TMEM132D: variants seen among roughly 807,000 people sequenced by gnomAD.
TMEM132D encodes transmembrane protein 132D, also known as mature OL transmembrane protein.
In TMEM132D, 21 loss-of-function variants were observed where a neutral mutation model predicts 62.3. The observed-to-expected ratio is 0.34, with a 90% CI of 0.24 to 0.49. TMEM132D has a LOEUF of 0.49. Ranked by LOEUF, TMEM132D falls within the 20% of genes least tolerant of loss-of-function variation. The pLI is 0.99. For synonymous variants in TMEM132D, 621 were observed against 575.6 expected (o/e 1.08, Z -1.13); for missense variants, 1,346 against 1,402.8 (o/e 0.96, Z 0.65).
intron 1 of TMEM132D, among the ~76,000 whole-genome samples, chr12:129,841,975 G>A (rs560507277): frequency 6.7e-6 from 1 of 148,404 alleles, no homozygotes; most frequent in Non-Finnish European, 1.5e-5. Flanking sequence ...CTGTCCCCCA[G>A]GCTGGAGTAC....
At chr12:129,495,220 A>G (rs1321196069) in intron 3 of TMEM132D, among the ~76,000 whole-genome samples, 1 of 82,500 alleles carries the variant, frequency 1.2e-5, no homozygotes, top group African/African-American at 7.0e-5. Flanking sequence ...GATCAAAGCC[A>G]ATGTTAATAA....
intron 5 of TMEM132D, among the ~76,000 whole-genome samples, chr12:129,137,744 A>G (rs1048903024): frequency 2.0e-5 from 3 of 152,158 alleles, no homozygotes; most frequent in African/African-American, 7.2e-5. Context: ...CATGATGGCT[A>G]TCTTGCAACC....
At chr12:129,671,886 C>T (rs1353035089) in intron 2 of TMEM132D, among the ~76,000 whole-genome samples, 1 of 152,190 alleles carries the variant, frequency 6.6e-6, no homozygotes, top group Non-Finnish European at 1.5e-5. Context: ...TTACAAATTG[C>T]AAGCCTGAGG....
intron 3 of TMEM132D, among the ~76,000 whole-genome samples, chr12:129,416,073 A>G (rs373658618): frequency 1.5e-4 from 23 of 152,034 alleles, no homozygotes; most frequent in African/African-American, 5.6e-4. Context: ...TTTAAAGTAC[A>G]TTTTTCTAAT....
At chr12:129,216,981 G>C (rs1013143157) in intron 4 of TMEM132D, among the ~76,000 whole-genome samples, 1 of 152,048 alleles carries the variant, frequency 6.6e-6, no homozygotes, top group Non-Finnish European at 1.5e-5. Context: ...TTTTTGTAAC[G>C]GGAAAAAACA....
chr12:129,557,372 G>T (rs1877092083), intron 2 of TMEM132D, among the ~76,000 whole-genome samples: 2 of 152,260 alleles, frequency 1.3e-5, no homozygotes, highest in South Asian at 2.1e-4. Context: ...TGAGAGAAAT[G>T]AGGAGACGTG....
At chr12:129,726,134 G>T (rs1279419570) in intron 1 of TMEM132D, among the ~76,000 whole-genome samples, 2 of 152,160 alleles carry the variant, frequency 1.3e-5, no homozygotes, top group African/African-American at 4.8e-5. Flanking sequence ...CTCCTGTGTG[G>T]CTCCATGGGA....
intron 5 of TMEM132D, among the ~76,000 whole-genome samples, chr12:129,111,851 A>G (rs960363909): frequency 6.6e-6 from 1 of 152,168 alleles, no homozygotes; most frequent in Non-Finnish European, 1.5e-5. Context: ...ACCTCATGCC[A>G]TATTTTCAGT....
At chr12:129,513,579 G>A (rs1285107339) in intron 3 of TMEM132D, among the ~76,000 whole-genome samples, 1 of 151,578 alleles carries the variant, frequency 6.6e-6, no homozygotes, top group Admixed American at 6.6e-5. Context: ...TCGCCTCCCG[G>A]GTTCACGCCA....
chr12:129,625,292 C>G (rs1879183988), intron 2 of TMEM132D, among the ~76,000 whole-genome samples: 1 of 152,190 alleles, frequency 6.6e-6, no homozygotes, highest in African/African-American at 2.4e-5. Context: ...GGCACAGGTA[C>G]CCAACATTTT....
intron 4 of TMEM132D, among the ~76,000 whole-genome samples, chr12:129,314,081 T>C (rs1322172894): frequency 1.3e-5 from 2 of 152,118 alleles, no homozygotes; most frequent in African/African-American, 4.8e-5. Context: ...TTTGTTTGAG[T>C]TTGTTGTAGA....
At chr12:129,187,749 T>C (rs560523122) in intron 5 of TMEM132D, among the ~76,000 whole-genome samples, 7 of 152,180 alleles carry the variant, frequency 4.6e-5, no homozygotes, top group Non-Finnish European at 7.3e-5. Flanking sequence ...TCCTTCCAAA[T>C]AGGACAAAAC....
At chr12:129,120,760 G>A (rs952415041) in intron 5 of TMEM132D, among the ~76,000 whole-genome samples, 10 of 152,098 alleles carry the variant, frequency 6.6e-5, no homozygotes, top group Non-Finnish European at 1.2e-4. Flanking sequence ...GGAAGATTGA[G>A]GTGAAAGGTA....
chr12:129,507,773 G>A (rs1406123600), intron 3 of TMEM132D, among the ~76,000 whole-genome samples: 1 of 152,126 alleles, frequency 6.6e-6, no homozygotes. Context: ...CTGCTCGGTT[G>A]ATGGGTGCAC....
At chr12:129,565,571 T>C (rs1453882098) in intron 2 of TMEM132D, among the ~76,000 whole-genome samples, 1 of 152,206 alleles carries the variant, frequency 6.6e-6, no homozygotes, top group East Asian at 1.9e-4. Flanking sequence ...AGAAAGCCCT[T>C]GGCTGAGAGG....
intron 5 of TMEM132D, among the ~76,000 whole-genome samples, chr12:129,135,812 C>T (rs1343479944): frequency 6.6e-6 from 1 of 152,102 alleles, no homozygotes. Context: ...GGCTGATAGA[C>T]CGTATCAGCT....
At chr12:129,405,234 C>T (rs566566305) in intron 3 of TMEM132D, among the ~76,000 whole-genome samples, 20 of 151,956 alleles carry the variant, frequency 1.3e-4, no homozygotes, top group East Asian at 5.8e-4. Flanking sequence ...TACTGGCCTG[C>T]GGACAGGTGC....
intron 2 of TMEM132D, among the ~76,000 whole-genome samples, chr12:129,569,257 T>C (rs1390116474): frequency 6.6e-6 from 1 of 152,164 alleles, no homozygotes; most frequent in Admixed American, 6.5e-5. Context: ...TAGATCAATG[T>C]CTCTGCACTA....
intron 5 of TMEM132D, among the ~76,000 whole-genome samples, chr12:129,099,397 C>G (rs1875219989): frequency 6.6e-6 from 1 of 152,140 alleles, no homozygotes; most frequent in Non-Finnish European, 1.5e-5. Flanking sequence ...TTCCTTTGGC[C>G]CTCTGCACTC....
Sources: allele counts gnomAD v4.1 joint callset (sites outside exome capture counted in the v4.1 genomes callset), GRCh38; gene constraint gnomAD v4.1.1; transcripts MANE v1.5; gene names NCBI Gene and HGNC (gene_info 2026-07-23, HGNC 2026-07-21).